Variants in RFX7 observed in about 807,000 individuals in gnomAD.
RFX7 encodes DNA-binding protein RFX7.
A neutral mutation model predicts 111.8 loss-of-function variants in RFX7; 26 were observed. The observed-to-expected ratio is 0.23, with a 90% confidence interval of 0.17 to 0.32. The LOEUF (loss-of-function observed/expected upper bound fraction) is 0.32, where lower values mean the gene tolerates loss of function less well. RFX7 is among the 10% of genes least tolerant of loss of function. The pLI is 1.00. For missense variants in RFX7, 1,573 were observed against 1,772.9 expected, an observed-to-expected ratio of 0.89 and a Z score of 2.02; for synonymous variants, 624 against 624.4, an observed-to-expected ratio of 1.00 and a Z score of 0.01.
intron 2 of RFX7, among the ~76,000 whole-genome samples, chr15:56,215,386 T>C (rs553696325): frequency 2.6e-5 from 4 of 152,350 alleles, no homozygotes; most frequent in Admixed American, 1.3e-4. Context: ...GTTCCTAACT[T>C]GCTAAGTGTT....
chr15:56,223,929 TG>T (rs1414860668), intron 2 of RFX7, among the ~76,000 whole-genome samples: 3 of 152,110 alleles, frequency 2.0e-5, no homozygotes, highest in African/African-American at 7.2e-5. Flanking sequence ...TAGCATTGCA[TG>T]GTGGACATTT....
intron 2 of RFX7, among the ~76,000 whole-genome samples, chr15:56,196,001 C>T (rs1039493637): frequency 3.3e-5 from 5 of 152,126 alleles, no homozygotes; most frequent in Non-Finnish European, 7.3e-5. Context: ...AATCTAATTT[C>T]AGCCAGAAGA....
Position 56,243,201 on chromosome 15 carries a change from C to T in RFX7, c.85G>A (p.Ala29Thr), listed in dbSNP as rs1345188103. ...LPPSAPNSGV[A>T]LPALVPGLPG... is the part of the protein sequence containing the mutation. ...AGCCCGGGCACAAGGGCTGGCAGGG[C>T]CACCCCCGAGTTGGGGGCGCTGGGG... Residue 29 changes from alanine to threonine, a missense_variant, in exon 2 of 10, where the codon GCC becomes ACC. Transcript: ENST00000559447. 8.6e-5 allele frequency: 115 copies of T among 1,344,622 alleles called. No individual in the cohort carries two copies. Among genetic ancestry groups the T allele is most frequent in the Non-Finnish European group, 1.1e-4 (111 of 1,011,382 alleles). 83.3% of individuals were successfully genotyped at this position (1,344,622 alleles called of 1,614,324 possible).
chr15:56,116,422 G>A (rs367651257), intron 5 of RFX7, among the ~76,000 whole-genome samples: 36 of 152,254 alleles, frequency 2.4e-4, no homozygotes, highest in Middle Eastern at 3.4e-3. Context: ...TTTTTAAAAG[G>A]TTCCCTCTGA....
At position 56,095,251 on chromosome 15, in the gene RFX7, A is replaced by G; in HGVS notation, c.2477T>C (p.Met826Thr). 1 of 1,613,852 alleles carries G rather than the reference A, an allele frequency of 6.2e-7. No individual in the cohort carries two copies. The highest frequency in any genetic ancestry group is 8.5e-7 in the Non-Finnish European group (1 of 1,179,784). Reference sequence around the variant, plus strand: ...CTGCTGGCTATATGTGTCCTGTGGCATTCCTTCTAATTCCCAAACAGATTT... The same window carrying G: ...CTGCTGGCTATATGTGTCCTGTGGCGTTCCTTCTAATTCCCAAACAGATTT... The part of the protein sequence containing the change: ...LEKSVWELEG[M>T]PQDTYSQQLH... Residue 826 changes from methionine (M) to threonine (T), a missense_variant, in exon 10 of 10, where the codon ATG becomes ACG. By Grantham distance (81) the Met-to-Thr change is moderately conservative. Around this residue, in one of 7 missense-constraint regions of RFX7, gnomAD observed 625 missense variants for 632.2 expected, o/e 0.99. Coordinates refer to ENST00000559447, the MANE Select transcript of RFX7 (RefSeq NM_022841.7).
chr15:56,196,405 T>C (rs1364865920), intron 2 of RFX7, among the ~76,000 whole-genome samples: 1 of 152,144 alleles, frequency 6.6e-6, no homozygotes, highest in African/African-American at 2.4e-5. Context: ...AATAGTTTTG[T>C]TTACTTCACA....
intron 2 of RFX7, among the ~76,000 whole-genome samples, chr15:56,202,923 A>C (rs993222328): frequency 6.6e-6 from 1 of 152,246 alleles, no homozygotes; most frequent in South Asian, 2.1e-4. Flanking sequence ...TAAAACTGCC[A>C]ATCTCTTGGG....
intron 2 of RFX7, among the ~76,000 whole-genome samples, chr15:56,207,943 T>G (rs1400852290): frequency 6.6e-6 from 1 of 152,128 alleles, no homozygotes; most frequent in Non-Finnish European, 1.5e-5. Context: ...CAAACCTGCA[T>G]GAGAATCTGT....
chr15:56,115,996 C>T (rs554208067), intron 5 of RFX7, among the ~76,000 whole-genome samples: 21 of 151,980 alleles, frequency 1.4e-4, no homozygotes, highest in African/African-American at 3.9e-4. Context: ...TTATGATTAT[C>T]GACAGTAACT....
At chr15:56,158,860 CTT>C (rs1170333540) in intron 3 of RFX7, among the ~76,000 whole-genome samples, 1 of 152,120 alleles carries the variant, frequency 6.6e-6, no homozygotes, top group Non-Finnish European at 1.5e-5. Flanking sequence ...AAAAACAACT[CTT>C]TTCACAATTC....
chr15:56,191,622 T>C (rs920351375), intron 2 of RFX7, among the ~76,000 whole-genome samples: 6 of 152,342 alleles, frequency 3.9e-5, no homozygotes, highest in East Asian at 1.9e-4. Flanking sequence ...AATTCAAATT[T>C]TGACAGACTA....
chr15:56,140,219 C>G (rs1395135584), intron 5 of RFX7, among the ~76,000 whole-genome samples: 1 of 152,202 alleles, frequency 6.6e-6, no homozygotes, highest in African/African-American at 2.4e-5. Flanking sequence ...CCCAGCCTCG[C>G]TGTCGCCTTG....
intron 3 of RFX7, among the ~76,000 whole-genome samples, chr15:56,151,422 A>G (rs1471883752): frequency 1.3e-5 from 2 of 152,272 alleles, no homozygotes; most frequent in Non-Finnish European, 2.9e-5. Flanking sequence ...CTTAAAGAAA[A>G]GAATTTTCAA....
chr15:56,187,383 T>C (rs60417530), intron 2 of RFX7, among the ~76,000 whole-genome samples: 30,813 of 151,870 alleles, frequency 0.2, 3,521 homozygotes, highest in East Asian at 0.45. Flanking sequence ...GCTAATTTTT[T>C]GTATTTAAGT....
chr15:56,109,021 C>A (rs2041869132), intron 5 of RFX7, among the ~76,000 whole-genome samples: 2 of 66,936 alleles, frequency 3.0e-5, no homozygotes, highest in Admixed American at 3.2e-4. Context: ...TACAAACCTT[C>A]TCCCTCTCCC....
In RFX7 at chr15:56,243,105, G is replaced by A. The variant is rs1426234096; in HGVS notation, c.161+20C>T. 1 of 1,359,820 alleles carries A rather than the reference G, an allele frequency of 7.4e-7. No homozygotes were observed. The highest frequency in any genetic ancestry group is 1.2e-5 in the South Asian group (1 of 86,122). 84.2% of individuals were successfully genotyped at this position (1,359,820 alleles called of 1,614,324 possible). Reference sequence around the variant, plus strand: ...AATGTGCCTGGGCTTTTTCACGCGAGCGATGGAGGATCCTCTTACCAGATG... The same window carrying A: ...AATGTGCCTGGGCTTTTTCACGCGAACGATGGAGGATCCTCTTACCAGATG... On this transcript the variant is annotated intron_variant, in intron 2 of 9. Coordinates refer to ENST00000559447, the MANE Select transcript of RFX7 (RefSeq NM_022841.7).
At chr15:56,209,583 G>A (rs1239574902) in intron 2 of RFX7, among the ~76,000 whole-genome samples, 4 of 152,126 alleles carry the variant, frequency 2.6e-5, no homozygotes, top group Admixed American at 6.6e-5. Context: ...AACAATCACA[G>A]GAACAATGTA....
chr15:56,226,341 T>G (rs1321817464), intron 2 of RFX7, among the ~76,000 whole-genome samples: 85 of 152,248 alleles, frequency 5.6e-4, no homozygotes, highest in Non-Finnish European at 3.2e-4. Flanking sequence ...AATTCATGAT[T>G]AATTAAAAGA....
At chr15:56,134,630 TTATTA>T (rs1271881253) in intron 5 of RFX7, among the ~76,000 whole-genome samples, 2 of 135,282 alleles carry the variant, frequency 1.5e-5, no homozygotes, top group African/African-American at 5.1e-5. Flanking sequence ...TTTTTTTTTT[TTATTA>T]TACTTTAAGT....
Sources: gnomAD v4.1 joint callset for allele counts (sites outside exome capture counted in the v4.1 genomes callset) on GRCh38, gnomAD v4.1.1 for gene constraint, gnomAD v4.1.1 regional missense constraint, MANE v1.5 for transcripts, NCBI Gene and HGNC (gene_info 2026-07-23, HGNC 2026-07-21) for gene names.